The following ARGLU1 variants were observed in gnomAD, a reference collection of about 807,000 sequenced individuals.
ARGLU1 encodes arginine and glutamate-rich protein 1.
ARGLU1 carries 9 observed loss-of-function variants against 37.6 expected under a neutral mutation model. That is an observed-to-expected ratio of 0.24 (90% CI 0.14 to 0.42). ARGLU1 has a LOEUF of 0.42. Among genes scored for constraint, ARGLU1 ranks in the 10% least tolerant of loss-of-function variants. ARGLU1 has a pLI of 1.00. For missense variants in ARGLU1, 211 were observed against 359.2 expected, an observed-to-expected ratio of 0.59 and a Z score of 3.34; for synonymous variants, 166 against 138.5, an observed-to-expected ratio of 1.20 and a Z score of -1.39.
Position 106,559,376 on chromosome 13 carries a change from CA to C in ARGLU1, c.573+55del, listed in dbSNP as rs1351592347. 6.2e-6 allele frequency: 10 copies of C among 1,605,430 alleles called. No individual in the cohort carries two copies. In the Admixed American group the frequency reaches 1.7e-4, roughly 27 times the overall value. ...TCTGAACTGAGCAGGAGGCAGAACC[CA>C]ACACTGAAAGTTTTGCCATGGACTG... On this transcript the variant is annotated intron_variant, in intron 2 of 3. Transcript: ENST00000400198.
intron 1 of ARGLU1, among the ~76,000 whole-genome samples, chr13:106,561,594 T>TA (rs1024799769): frequency 1.3e-5 from 2 of 151,596 alleles, no homozygotes; most frequent in Admixed American, 6.6e-5. Flanking sequence ...TACCGACTAT[T>TA]AAAAAAAAGG....
chr13:106,558,718 T>C (rs1880720121), intron 2 of ARGLU1: 1 of 985,332 alleles, frequency 1.0e-6, no homozygotes. Flanking sequence ...GTGTTTAGCT[T>C]GACTCCAGAC....
rs756353337 is a variant in ARGLU1, at chr13:106,543,026, T to C, written c.*970A>G. ...TTTTCTAGCCTTTATTAAGTATACT[T>C]TGTGATAATACTTATATCCTAAAAC... is the stretch of plus-strand genomic sequence containing the variant. On this transcript the variant is annotated 3_prime_UTR_variant, in exon 4 of 4. Coordinates refer to ENST00000400198, the MANE Select transcript of ARGLU1 (RefSeq NM_018011.4). 4.7e-4 allele frequency: 71 copies of C among 152,168 alleles called. No individual in the cohort carries two copies. The highest frequency in any genetic ancestry group is 4.4e-4 in the Non-Finnish European group (30 of 67,930). The allele number at this position is 152,168 out of a possible 1,614,324, so 9.4% of individuals were successfully genotyped here. A position where few individuals can be genotyped will look rare whatever the true frequency, so the allele number is the denominator to read the frequency against.
rs1051590841 is a variant in ARGLU1 at position 106,543,550 on chromosome 13, G to A, written c.*446C>T. On this transcript the variant is annotated 3_prime_UTR_variant, in exon 4 of 4. Transcript: ENST00000400198. ...TTTAACAATACACCACATAGGTCCA[G>A]TAATACCCTGGGAATTTCCCAATGC... 1.3e-5 allele frequency: 2 copies of A among 153,520 alleles called. No homozygotes were observed. Among genetic ancestry groups the A allele is most frequent in the African/African-American group, 2.4e-5 (1 of 41,436 alleles). The allele number at this position is 153,520 out of a possible 1,614,324, so 9.5% of individuals were successfully genotyped here.
Position 106,557,510 on chromosome 13 carries a change from T to C in ARGLU1, c.574-379A>G. The C allele has an allele frequency of 7.0e-7, 1 of 1,433,804 alleles. No homozygotes were observed. The highest frequency in any genetic ancestry group is 9.4e-7 in the Non-Finnish European group (1 of 1,063,880). 88.8% of individuals were successfully genotyped at this position (1,433,804 alleles called of 1,614,324 possible). ...GTCTCACCAATTATGTATACCTACG[T>C]ATTCTTTACCTATACTCCTTTAATC... On this transcript the variant is annotated intron_variant, in intron 2 of 3. Transcript: ENST00000400198. The surrounding 1 kb of genome is among the most constrained non-coding windows in gnomAD (Gnocchi z 5.0).
intron 3 of ARGLU1, among the ~76,000 whole-genome samples, chr13:106,551,991 G>A (rs1247349008): frequency 6.6e-6 from 1 of 152,104 alleles, no homozygotes; most frequent in African/African-American, 2.4e-5. Flanking sequence ...TCATATATGG[G>A]CACATTCAAA....
rs1594197901 is a variant in ARGLU1, at chr13:106,568,104, C to A, written c.-185G>T. ...ACGAAGGCCGCCTCCAACGAGAAAC[C>A]CGTAGCGCCAGGCGCCCCTAAGATG... On this transcript the variant is annotated 5_prime_UTR_variant, in exon 1 of 4. Transcript: ENST00000400198. 2 of 924,256 alleles carry A rather than the reference C, an allele frequency of 2.2e-6. No individual in the cohort carries two copies. The highest frequency in any genetic ancestry group is 3.1e-5 in the East Asian group (1 of 31,896). 57.3% of individuals were successfully genotyped at this position (924,256 alleles called of 1,614,324 possible).
At chr13:106,549,030 C>T (rs565386053) in intron 3 of ARGLU1, among the ~76,000 whole-genome samples, 48 of 152,304 alleles carry the variant, frequency 3.2e-4, no homozygotes, top group East Asian at 1.4e-3. Flanking sequence ...GGATTACAGG[C>T]GTGAGCCACT....
intron 1 of ARGLU1, among the ~76,000 whole-genome samples, chr13:106,565,529 A>T (rs1880938318): frequency 6.6e-6 from 1 of 152,342 alleles, no homozygotes; most frequent in South Asian, 2.1e-4. Context: ...AATCATCTTT[A>T]TATTAACAGT....
intron 3 of ARGLU1, among the ~76,000 whole-genome samples, chr13:106,555,262 C>G (rs1295924000): frequency 6.6e-6 from 1 of 152,112 alleles, no homozygotes; most frequent in Non-Finnish European, 1.5e-5. Flanking sequence ...GAGGCTGAGG[C>G]AGGAGAATAG....
chr13:106,554,609 G>A (rs1012915737), intron 3 of ARGLU1, among the ~76,000 whole-genome samples: 2 of 152,094 alleles, frequency 1.3e-5, no homozygotes, highest in South Asian at 2.1e-4. Context: ...TTTCTTGGCC[G>A]GGCGCGGTAG....
intron 3 of ARGLU1, among the ~76,000 whole-genome samples, chr13:106,555,686 A>T (rs78197321): frequency 6.6e-6 from 1 of 152,228 alleles, no homozygotes; most frequent in East Asian, 1.9e-4. Context: ...TCACACACCG[A>T]AAGTCATATT....
chr13:106,554,598 T>C (rs1035927530), intron 3 of ARGLU1, among the ~76,000 whole-genome samples: 3 of 152,096 alleles, frequency 2.0e-5, no homozygotes, highest in Non-Finnish European at 4.4e-5. Flanking sequence ...AATAAAAAAC[T>C]TTTCTTGGCC....
rs1157086365 is a variant in ARGLU1 at position 106,559,662 on chromosome 13, C to A, written c.348-5G>T. 3 of 1,601,460 alleles carry A rather than the reference C, an allele frequency of 1.9e-6. No homozygotes were observed. The highest frequency in any genetic ancestry group is 1.4e-5 in the African/African-American group (1 of 74,062). On this transcript the variant is annotated splice_polypyrimidine_tract_variant and splice_region_variant and intron_variant, in intron 1 of 3. Coordinates refer to ENST00000400198, the MANE Select transcript of ARGLU1 (RefSeq NM_018011.4). ...TCTTCTATTTCTTGCTGTCGACTAG[C>A]AAACAAAGTGAAAAAAACAAGTTAG...
At chr13:106,564,548 T>C (rs1316597020) in intron 1 of ARGLU1, among the ~76,000 whole-genome samples, 2 of 152,236 alleles carry the variant, frequency 1.3e-5, no homozygotes, top group Non-Finnish European at 2.9e-5. Context: ...CACTTGACAC[T>C]ATGCATTTTT....
At position 106,562,441 on chromosome 13, in the gene ARGLU1, C is replaced by G. The variant is rs539654396; in HGVS notation, c.348-2784G>C. Among the ~76,000 whole-genome samples, 9 of 152,246 alleles carry G rather than the reference C, an allele frequency of 5.9e-5. No homozygotes were observed. The East Asian group carries it at 9.7e-4, about 16-fold the overall frequency. On this transcript the variant is annotated intron_variant, in intron 1 of 3. Coordinates refer to ENST00000400198, the MANE Select transcript of ARGLU1 (RefSeq NM_018011.4). ...GCCTACTCCCATAAGAGGCACTGAA[C>G]TTTCTTGAGTGGGTCAGTGTCTTGC...
intron 3 of ARGLU1, among the ~76,000 whole-genome samples, chr13:106,545,743 G>C (rs563614892): frequency 6.6e-6 from 1 of 152,302 alleles, no homozygotes; most frequent in African/African-American, 2.4e-5. Context: ...CTAAAAGATA[G>C]GTGTTGGAAC....
intron 3 of ARGLU1, among the ~76,000 whole-genome samples, chr13:106,551,765 T>C (rs1880536160): frequency 6.6e-6 from 1 of 152,176 alleles, no homozygotes; most frequent in South Asian, 2.1e-4. Flanking sequence ...ATTCCTTGGC[T>C]TCAGCCTACA....
chr13:106,559,851 T>A (rs1181108288), intron 1 of ARGLU1, among the ~76,000 whole-genome samples, 194 bp from the exon 2 acceptor site: 2 of 152,202 alleles, frequency 1.3e-5, no homozygotes, highest in Admixed American at 1.3e-4. Context: ...CAAATGAGTA[T>A]AAAATCTTTT....
Sources: allele counts gnomAD v4.1 joint callset (sites outside exome capture counted in the v4.1 genomes callset), GRCh38; gene constraint gnomAD v4.1.1; non-coding constraint Gnocchi (gnomAD v3.1); transcripts MANE v1.5; gene names NCBI Gene and HGNC (gene_info 2026-07-23, HGNC 2026-07-21).